Variants in EYS observed in about 807,000 individuals in gnomAD.
The protein encoded by EYS is EGF-like photoreceptor maintenance factor, also known as protein eyes shut homolog.
Under a neutral mutation model 282.1 loss-of-function variants are expected in EYS, and 250 were observed. The ratio of observed to expected loss-of-function variants is 0.89; its 90% CI spans 0.80 to 0.98. The LOEUF is 0.98. EYS is among the 50% of genes least tolerant of loss of function. The pLI is 0.00. For synonymous variants in EYS, 1,355 were observed against 1,282.9 expected (o/e 1.06, Z -1.20); for missense variants, 4,016 against 3,709.0 (o/e 1.08, Z -2.15).
At chr6:64,677,745 T>A (rs1421148636) in intron 22 of EYS, among the ~76,000 whole-genome samples, 3 of 152,102 alleles carry the variant, frequency 2.0e-5, no homozygotes, top group South Asian at 2.1e-4. Context: ...TTTAAAAAAA[T>A]GTCTAATTCT....
intron 12 of EYS, among the ~76,000 whole-genome samples, chr6:65,142,272 A>T (rs575540102): frequency 2.4e-4 from 36 of 151,664 alleles, no homozygotes; most frequent in African/African-American, 8.2e-4. Flanking sequence ...AAAATTATCT[A>T]ATGGGAATCC....
intron 36 of EYS, among the ~76,000 whole-genome samples, chr6:63,833,026 C>A (rs1771690331): frequency 1.3e-5 from 2 of 152,246 alleles, no homozygotes; most frequent in East Asian, 1.9e-4. Flanking sequence ...GGCCTTCATG[C>A]TAAAAACTCT....
At chr6:64,121,660 T>A (rs1232507519) in intron 31 of EYS, among the ~76,000 whole-genome samples, 1 of 152,220 alleles carries the variant, frequency 6.6e-6, no homozygotes, top group Non-Finnish European at 1.5e-5. Flanking sequence ...TAGTCTCCTA[T>A]CTCTTAAAAT....
chr6:64,344,034 T>C (rs1391187895), intron 29 of EYS, among the ~76,000 whole-genome samples: 2 of 151,954 alleles, frequency 1.3e-5, no homozygotes, highest in East Asian at 1.9e-4. Flanking sequence ...AATAGACCAA[T>C]AACAGGCTCT....
chr6:64,890,675 T>C (rs1037011543), intron 18 of EYS, among the ~76,000 whole-genome samples: 1 of 152,180 alleles, frequency 6.6e-6, no homozygotes, highest in Non-Finnish European at 1.5e-5. Context: ...ACATTTATCA[T>C]GTAACTTATT....
chr6:64,992,383 T>A (rs1771093758), intron 14 of EYS, among the ~76,000 whole-genome samples: 1 of 151,830 alleles, frequency 6.6e-6, no homozygotes, highest in Non-Finnish European at 1.5e-5. Flanking sequence ...TCTTTTAAGT[T>A]CTCTAAGCTT....
At chr6:64,170,899 CT>C (rs1386020421) in intron 31 of EYS, among the ~76,000 whole-genome samples, 1 of 151,980 alleles carries the variant, frequency 6.6e-6, no homozygotes, top group East Asian at 1.9e-4. Flanking sequence ...AATCACTCTG[CT>C]GAGAGGCAGG....
chr6:64,298,001 T>TAAAAAAAAAAAAAAAAAAAAA (rs1769097836), intron 30 of EYS, among the ~76,000 whole-genome samples: 4 of 134,038 alleles, frequency 3.0e-5, no homozygotes, highest in African/African-American at 1.2e-4. Context: ...AAAAAAAAAT[T>TAAAAAAAAAAAAAAAAAAAAA]AGGTAGAAAT....
chr6:65,250,169 T>C lies in EYS; in HGVS notation c.2023+45694A>G, dbSNP rs146610611. ...TCAAGTGCAACTGAATGGATGATGATACCATAGTTGCTTTCGGTTAAGAGC... is the reference window on the plus strand; with the variant it reads ...TCAAGTGCAACTGAATGGATGATGACACCATAGTTGCTTTCGGTTAAGAGC... On this transcript the variant is annotated intron_variant, in intron 12 of 42. Coordinates refer to ENST00000503581, the MANE Select transcript of EYS (RefSeq NM_001142800.2). 3.4e-4 allele frequency among the ~76,000 whole-genome samples: 51 copies of C among 152,210 alleles called. No homozygotes were observed. In the East Asian group the frequency reaches 9.1e-3, roughly 27 times the overall value.
At chr6:65,123,001 A>G (rs1490387748) in intron 12 of EYS, among the ~76,000 whole-genome samples, 1 of 152,144 alleles carries the variant, frequency 6.6e-6, no homozygotes, top group Non-Finnish European at 1.5e-5. Flanking sequence ...AAATAAATAC[A>G]GATAAAAATG....
rs572823736 is a variant in EYS at position 64,100,579 on chromosome 6, T to C, written c.6425-18577A>G. Among the ~76,000 whole-genome samples, 3 of 152,298 alleles carry C rather than the reference T, an allele frequency of 2.0e-5. No homozygotes were observed. In the South Asian group the frequency reaches 6.2e-4, roughly 32 times the overall value. ...CTTTTTTATTATGTGGTTTTTTTAT[T>C]GATATTTATTGGTGAGGATCAATAG... On this transcript the variant is annotated intron_variant, in intron 31 of 42. Transcript: ENST00000503581.
intron 26 of EYS, among the ~76,000 whole-genome samples, chr6:64,565,236 A>T (rs1324492987): frequency 6.6e-6 from 1 of 151,806 alleles, no homozygotes; most frequent in Non-Finnish European, 1.5e-5. Flanking sequence ...GTGTTTTTTG[A>T]TGCCATATCC....
intron 35 of EYS, among the ~76,000 whole-genome samples, chr6:63,935,733 G>T (rs1765039546): frequency 6.6e-6 from 1 of 152,152 alleles, no homozygotes; most frequent in Admixed American, 6.5e-5. Flanking sequence ...AATTTCTGTT[G>T]TTTAAGTCAT....
intron 12 of EYS, among the ~76,000 whole-genome samples, chr6:65,282,571 TA>T (rs746627601): frequency 3.3e-5 from 5 of 151,986 alleles, no homozygotes; most frequent in Non-Finnish European, 4.4e-5. Context: ...TACATGATTA[TA>T]GAACAGAAAA....
At chr6:65,364,724 C>T (rs1019249334) in intron 8 of EYS, among the ~76,000 whole-genome samples, 5 of 151,484 alleles carry the variant, frequency 3.3e-5, no homozygotes, top group Non-Finnish European at 7.4e-5. Context: ...CCCCGGATGA[C>T]ACCATGGAGC....
intron 19 of EYS, among the ~76,000 whole-genome samples, chr6:64,874,949 C>T (rs941386768): frequency 1.5e-4 from 23 of 149,254 alleles, no homozygotes; most frequent in African/African-American, 5.4e-4. Flanking sequence ...CTCAGTACAG[C>T]TCATTCCAAA....
At chr6:64,935,120 T>C (rs1194599513) in intron 15 of EYS, among the ~76,000 whole-genome samples, 1 of 151,732 alleles carries the variant, frequency 6.6e-6, no homozygotes, top group Non-Finnish European at 1.5e-5. Flanking sequence ...AATCTATAGG[T>C]CAACCATTAA....
rs115880480 is a variant in EYS, at chr6:65,174,874, T to G, written c.2024-117147A>C. On this transcript the variant is annotated intron_variant, in intron 12 of 42. Transcript: ENST00000503581. ...TGCAACTAAATATTAACAGAAATTT[T>G]GGCAGCTGTTAAAAAGTTCAAATAT... 6.5e-3 allele frequency among the ~76,000 whole-genome samples: 979 copies of G among 151,434 alleles called. 12 individuals carry two copies. Among genetic ancestry groups the G allele is most frequent in the African/African-American group, 0.022 (921 of 41,512 alleles).
chr6:64,440,608 T>C (rs1002266470), intron 26 of EYS, among the ~76,000 whole-genome samples: 7 of 152,052 alleles, frequency 4.6e-5, no homozygotes, highest in East Asian at 1.9e-4. Flanking sequence ...GTATTTTTTT[T>C]CCCCATGTAG....
Sources: allele counts gnomAD v4.1 joint callset (sites outside exome capture counted in the v4.1 genomes callset), GRCh38; gene constraint gnomAD v4.1.1; transcripts MANE v1.5; gene names NCBI Gene and HGNC (gene_info 2026-07-23, HGNC 2026-07-21).